Variants in ACAD11 observed in about 807,000 individuals in gnomAD.
ACAD11 encodes the protein acyl-Coenzyme A dehydrogenase family, member 11.
In ACAD11, 83 loss-of-function variants were observed where a neutral mutation model predicts 102.2. The ratio of observed to expected loss-of-function variants is 0.81; its 90% confidence interval spans 0.68 to 0.97. ACAD11 has a LOEUF of 0.97. ACAD11 is among the 50% of genes least tolerant of loss of function. The pLI is 0.00. For missense variants in ACAD11, 901 were observed against 951.7 expected (o/e 0.95, Z 0.70); for synonymous variants, 324 against 319.8 (o/e 1.01, Z -0.14).
Position 132,558,645 on chromosome 3 carries a change from C to T in ACAD11, c.*326G>A, listed in dbSNP as rs1936951458. The T allele has an allele frequency of 4.3e-6, 1 of 232,398 alleles. No homozygotes were observed. Among genetic ancestry groups the T allele is most frequent in the Admixed American group, 5.9e-5 (1 of 16,912 alleles). 14.4% of individuals were successfully genotyped at this position (232,398 alleles called of 1,614,324 possible). A position where few individuals can be genotyped will look rare whatever the true frequency, so the allele number is the denominator to read the frequency against. ...CCTCCCAAGTAGCTAGGACTACAAG[C>T]ATGTGCCACCACACTTGTTTCATTT... On this transcript the variant is annotated 3_prime_UTR_variant, in exon 20 of 20. Transcript: ENST00000264990.
rs1339083950 is a variant in ACAD11, at chr3:132,624,402, C to T, written c.1197+2289G>A. Among the ~76,000 whole-genome samples, 123 of 151,234 alleles carry T rather than the reference C, an allele frequency of 8.1e-4. 3 individuals are homozygous for T. The highest frequency in any genetic ancestry group is 7.4e-5 in the Non-Finnish European group (5 of 67,828). Reference sequence around the variant, plus strand: ...TGCGCGGATCACGAGGTCAGGAGTTCGAGACCAGCCTGGCCAATATGGTGA... The same window carrying T: ...TGCGCGGATCACGAGGTCAGGAGTTTGAGACCAGCCTGGCCAATATGGTGA... On this transcript the variant is annotated intron_variant, in intron 9 of 19. Transcript: ENST00000264990.
intron 13 of ACAD11, chr3:132,601,945 A>G: frequency 6.1e-6 from 1 of 163,706 alleles, no homozygotes; most frequent in Admixed American, 6.0e-5. Flanking sequence ...AATAATTTCA[A>G]AATAAAACAA....
chr3:132,592,004 G>T (rs1252111283), intron 13 of ACAD11, among the ~76,000 whole-genome samples: 1 of 152,044 alleles, frequency 6.6e-6, no homozygotes, highest in African/African-American at 2.4e-5. Context: ...ATAATTCTTT[G>T]ATTCTGTCTT....
intron 13 of ACAD11, among the ~76,000 whole-genome samples, chr3:132,580,503 C>T (rs1377379111): frequency 1.3e-5 from 2 of 151,880 alleles, no homozygotes; most frequent in Non-Finnish European, 2.9e-5. Context: ...ACCTAAAAGG[C>T]GTATCAACCA....
At chr3:132,571,523 T>G (rs559926836) in intron 17 of ACAD11, among the ~76,000 whole-genome samples, 17 of 152,312 alleles carry the variant, frequency 1.1e-4, no homozygotes, top group Non-Finnish European at 1.3e-4. Flanking sequence ...CATTGATCAA[T>G]TTTTGCTTTT....
intron 12 of ACAD11, among the ~76,000 whole-genome samples, chr3:132,604,155 G>A (rs1938740994): frequency 6.6e-6 from 1 of 152,030 alleles, no homozygotes; most frequent in Admixed American, 6.5e-5. Context: ...TGCTGTCTGA[G>A]GTTTCAGTTA....
chr3:132,623,757 C>T, intron 9 of ACAD11, among the ~76,000 whole-genome samples: 1 of 152,086 alleles, frequency 6.6e-6, no homozygotes, highest in East Asian at 1.9e-4. Flanking sequence ...GTATCACAAC[C>T]CAACCTGTGA....
At chr3:132,619,591 A>G (rs768930734) in intron 9 of ACAD11, 46 bp from the exon 10 acceptor site, 36 of 1,087,334 alleles carry the variant, frequency 3.3e-5, no homozygotes, top group South Asian at 2.2e-4. Context: ...AAGTTAATAC[A>G]AAGTAAACAA....
intron 13 of ACAD11, among the ~76,000 whole-genome samples, chr3:132,591,710 C>T (rs1045206642): frequency 3.3e-5 from 5 of 151,804 alleles, no homozygotes; most frequent in African/African-American, 9.7e-5. Context: ...GGCAACCTAG[C>T]GACACCTCGT....
At chr3:132,592,018 C>G (rs187719854) in intron 13 of ACAD11, among the ~76,000 whole-genome samples, 1 of 152,036 alleles carries the variant, frequency 6.6e-6, no homozygotes, top group East Asian at 1.9e-4. Context: ...CTGTCTTCCT[C>G]AATCTTATAT....
chr3:132,566,543 T>C (rs1937218863), intron 17 of ACAD11, among the ~76,000 whole-genome samples: 1 of 152,040 alleles, frequency 6.6e-6, no homozygotes, highest in South Asian at 2.1e-4. Context: ...ATTAAGTTTC[T>C]GAAAAAATAG....
At chr3:132,627,251 G>A (rs954814889) in intron 8 of ACAD11, among the ~76,000 whole-genome samples, 6 of 152,046 alleles carry the variant, frequency 3.9e-5, no homozygotes, top group Non-Finnish European at 7.4e-5. Flanking sequence ...TGTGAGGTGG[G>A]CGCCTGTTGG....
intron 13 of ACAD11, among the ~76,000 whole-genome samples, chr3:132,596,035 G>GATTGGAAT (rs1938291056): frequency 6.6e-6 from 1 of 152,128 alleles, no homozygotes; most frequent in African/African-American, 2.4e-5. Context: ...CTAAATATTT[G>GATTGGAAT]CCCATCAATG....
chr3:132,634,968 T>G (rs34955557), intron 5 of ACAD11, among the ~76,000 whole-genome samples: 2,047 of 151,384 alleles, frequency 0.014, 27 homozygotes, highest in Non-Finnish European at 0.019. Context: ...GACGAGTTAA[T>G]GGGTGCAGCA....
intron 5 of ACAD11, among the ~76,000 whole-genome samples, chr3:132,634,533 T>TCTA (rs1490529130): frequency 6.6e-6 from 1 of 152,066 alleles, no homozygotes; most frequent in Non-Finnish European, 1.5e-5. Flanking sequence ...AAATACCATT[T>TCTA]GACCCAGCCA....
intron 13 of ACAD11, among the ~76,000 whole-genome samples, chr3:132,585,962 A>T (rs531898017): frequency 6.6e-6 from 1 of 152,136 alleles, no homozygotes; most frequent in South Asian, 2.1e-4. Context: ...AACTAGAAAT[A>T]CCATTTGACC....
At chr3:132,608,716 A>T (rs558867630) in intron 11 of ACAD11, among the ~76,000 whole-genome samples, 3 of 152,296 alleles carry the variant, frequency 2.0e-5, no homozygotes, top group Admixed American at 6.5e-5. Context: ...CCCCATTGTC[A>T]ATATCAGACA....
At position 132,587,911 on chromosome 3, in the gene ACAD11, A is replaced by G. The variant is rs141379007; in HGVS notation, c.1622-8353T>C. On this transcript the variant is annotated intron_variant, in intron 13 of 19. Coordinates refer to ENST00000264990, the MANE Select transcript of ACAD11 (RefSeq NM_032169.5). ...AGCCAGAGACCCAAGCAAAGTTTCC[A>G]CATGAAAGCTGGAGCTCCCCTTTTC... Among the ~76,000 whole-genome samples the G allele has an allele frequency of 2.2e-3, 337 of 152,296 alleles. 1 individual carries two copies. The highest frequency in any genetic ancestry group is 3.7e-3 in the South Asian group (18 of 4,832).
chr3:132,618,733 G>T lies in ACAD11; in HGVS notation c.1315C>A (p.Pro439Thr). ...KVEGLWNLFL[P>T]AVSGLSHVDY... Reference sequence around the variant, plus strand: ...ACGTGGCTGAGTCCGCTGACAGCTGGCAAAAACAAGTTCCAGAGACCCTCG... The same window carrying T: ...ACGTGGCTGAGTCCGCTGACAGCTGTCAAAAACAAGTTCCAGAGACCCTCG... The change falls in exon 11 of 20, where the codon CCA (proline) becomes ACA (threonine). Residue 439 changes from proline to threonine, a missense_variant. Transcript: ENST00000264990. 1 of 1,597,468 alleles carries T rather than the reference G, an allele frequency of 6.3e-7. No individual in the cohort carries two copies. The highest frequency in any genetic ancestry group is 8.5e-7 in the Non-Finnish European group (1 of 1,173,304).
Sources: gnomAD v4.1 joint callset for allele counts (sites outside exome capture counted in the v4.1 genomes callset) on GRCh38, gnomAD v4.1.1 for gene constraint, MANE v1.5 for transcripts, NCBI Gene and HGNC (gene_info 2026-07-23, HGNC 2026-07-21) for gene names.